Variants in LYN observed in about 807,000 individuals in gnomAD.
LYN encodes tyrosine-protein kinase Lyn.
In LYN, 12 loss-of-function variants were observed where a neutral mutation model predicts 65.0. That is an observed-to-expected ratio of 0.18 (90% confidence interval 0.12 to 0.30). The LOEUF (loss-of-function observed/expected upper bound fraction) is 0.30. Among genes scored for constraint, LYN ranks in the 10% least tolerant of loss-of-function variants. LYN has a pLI of 1.00. For missense variants in LYN, 380 were observed against 623.2 expected (o/e 0.61, Z 4.16); for synonymous variants, 222 against 221.2 (o/e 1.00, Z -0.03).
intron 10 of LYN, among the ~76,000 whole-genome samples, chr8:55,991,846 CAT>C (rs1284068083): frequency 6.6e-6 from 1 of 152,134 alleles, no homozygotes; most frequent in African/African-American, 2.4e-5. Flanking sequence ...AAAATACCAT[CAT>C]ATGTTTTCAC....
At chr8:55,924,063 TTC>T (rs201069098) in intron 1 of LYN, among the ~76,000 whole-genome samples, 22 of 149,254 alleles carry the variant, frequency 1.5e-4, no homozygotes, top group Middle Eastern at 6.8e-3. Context: ...TTCTTTTTCT[TTC>T]TTTTTTTTTT....
At chr8:55,950,400 G>A (rs1187496849) in intron 4 of LYN, 59 bp from the exon 5 acceptor site, 9 of 1,041,974 alleles carry the variant, frequency 8.6e-6, no homozygotes, top group Non-Finnish European at 1.2e-5. Flanking sequence ...GTGATATTTT[G>A]ATACATGCAT....
intron 8 of LYN, among the ~76,000 whole-genome samples, chr8:55,954,268 C>T (rs780385390): frequency 2.6e-5 from 4 of 152,176 alleles, no homozygotes; most frequent in Admixed American, 6.5e-5. Context: ...ATTCCCTCAT[C>T]GCCAGATTCT....
chr8:55,887,183 A>G (rs1434631362), intron 1 of LYN, among the ~76,000 whole-genome samples: 1 of 152,248 alleles, frequency 6.6e-6, no homozygotes, highest in Non-Finnish European at 1.5e-5. Flanking sequence ...GGCCAGGCGC[A>G]GTGGCCCTTG....
chr8:55,969,050 G>A (rs188677907), intron 9 of LYN, among the ~76,000 whole-genome samples: 273 of 152,318 alleles, frequency 1.8e-3, no homozygotes, highest in Non-Finnish European at 3.4e-3. Flanking sequence ...GGAGGCCAAG[G>A]TGGGAGGATT....
intron 10 of LYN, 72 bp from the exon 11 acceptor site, chr8:55,998,274 C>T: frequency 8.2e-7 from 1 of 1,223,296 alleles, no homozygotes; most frequent in Non-Finnish European, 1.2e-6. Flanking sequence ...CATAAGTTTT[C>T]CGGTTTTCCT....
At chr8:56,004,582 C>T (rs1053191372) in intron 12 of LYN, among the ~76,000 whole-genome samples, 11 of 152,172 alleles carry the variant, frequency 7.2e-5, no homozygotes, top group Non-Finnish European at 1.6e-4. Context: ...GCATGAGCCA[C>T]CGTGTGCAGC....
At chr8:55,921,943 C>G (rs73606853) in intron 1 of LYN, among the ~76,000 whole-genome samples, 1,684 of 152,258 alleles carry the variant, frequency 0.011, 35 homozygotes, top group African/African-American at 0.038. Context: ...GTGTGCAAAA[C>G]TGACAGGAAT....
chr8:55,981,242 C>A, intron 10 of LYN, among the ~76,000 whole-genome samples: 1 of 152,214 alleles, frequency 6.6e-6, no homozygotes, highest in East Asian at 1.9e-4. Flanking sequence ...ATCCCAACTC[C>A]TGCTTACTCC....
intron 1 of LYN, among the ~76,000 whole-genome samples, chr8:55,932,722 A>T (rs1806305297): frequency 6.6e-6 from 1 of 152,234 alleles, no homozygotes; most frequent in African/African-American, 2.4e-5. Context: ...CACCAGGCCT[A>T]AAACAATTAT....
At chr8:55,924,511 C>T (rs1806043246) in intron 1 of LYN, among the ~76,000 whole-genome samples, 1 of 151,824 alleles carries the variant, frequency 6.6e-6, no homozygotes, top group African/African-American at 2.4e-5. Flanking sequence ...TACAGGCGTC[C>T]ACCCACCATG....
intron 2 of LYN, among the ~76,000 whole-genome samples, chr8:55,943,460 C>A (rs966121427): frequency 1.3e-5 from 2 of 151,042 alleles, no homozygotes; most frequent in African/African-American, 4.9e-5. Context: ...CCTGTAGTCC[C>A]AGCTACTTGG....
intron 7 of LYN, among the ~76,000 whole-genome samples, 170 bp downstream of exon 7, chr8:55,952,285 A>G (rs144923389): frequency 4.6e-5 from 7 of 152,310 alleles, no homozygotes; most frequent in African/African-American, 1.7e-4. Flanking sequence ...TAGGCCAGGC[A>G]CAGTGGCTCA....
intron 10 of LYN, among the ~76,000 whole-genome samples, chr8:55,991,216 G>A (rs1808239142): frequency 2.6e-5 from 4 of 152,182 alleles, no homozygotes; most frequent in Admixed American, 2.0e-4. Context: ...TGGCCCCAAG[G>A]GTATCTTTGT....
intron 1 of LYN, among the ~76,000 whole-genome samples, chr8:55,895,959 C>A (rs184490960): frequency 6.6e-6 from 1 of 152,242 alleles, no homozygotes; most frequent in East Asian, 1.9e-4. Context: ...TGCATCATCA[C>A]CAGTCCTGTG....
chr8:55,942,395 G>GTATATATATGTGTATATATATATGTGTA lies in LYN; in HGVS notation c.132+411_132+412insATGTGTATATATATATGTGTATATATAT, dbSNP rs35946646. Among the ~76,000 whole-genome samples the GTATATATATGTGTATATATATATGTGTA allele has an allele frequency of 3.3e-3, 434 of 130,556 alleles. 7 individuals are homozygous for GTATATATATGTGTATATATATATGTGTA. Among genetic ancestry groups the GTATATATATGTGTATATATATATGTGTA allele is most frequent in the African/African-American group, 6.4e-3 (202 of 31,750 alleles). 85.6% of individuals were successfully genotyped at this position (130,556 alleles called of 152,430 possible). A position where few individuals can be genotyped will look rare whatever the true frequency, so the allele number is the denominator to read the frequency against. ...TATATATATGTGTATATATATATGT[G>GTATATATATGTGTATATATATATGTGTA]TATATATGTGTATATATATGTGTGT... On this transcript the variant is annotated intron_variant, in intron 2 of 12. Transcript: ENST00000519728.
At chr8:55,973,347 T>C (rs995125456) in intron 10 of LYN, among the ~76,000 whole-genome samples, 3 of 152,210 alleles carry the variant, frequency 2.0e-5, no homozygotes, top group Admixed American at 6.5e-5. Flanking sequence ...CCATTCAACA[T>C]AGATCAAGAA....
At chr8:56,003,277 G>T (rs1808579574) in intron 12 of LYN, among the ~76,000 whole-genome samples, 1 of 151,872 alleles carries the variant, frequency 6.6e-6, no homozygotes, top group Non-Finnish European at 1.5e-5. Context: ...TAGCCAGAAT[G>T]GTCTCGATCT....
At chr8:55,891,947 C>T (rs1804973817) in intron 1 of LYN, among the ~76,000 whole-genome samples, 1 of 152,044 alleles carries the variant, frequency 6.6e-6, no homozygotes, top group African/African-American at 2.4e-5. Context: ...ATTGAAATGG[C>T]TGTGATGTGG....
Sources: allele counts gnomAD v4.1 joint callset (sites outside exome capture counted in the v4.1 genomes callset), GRCh38; gene constraint gnomAD v4.1.1; transcripts MANE v1.5; gene names NCBI Gene and HGNC (gene_info 2026-07-23, HGNC 2026-07-21).